MBNL2: variants seen among roughly 807,000 people sequenced by gnomAD.
MBNL2 encodes muscleblind like splicing regulator 2.
Under a neutral mutation model 41.9 loss-of-function variants are expected in MBNL2, and 17 were observed. The ratio of observed to expected loss-of-function variants is 0.41; its 90% CI spans 0.28 to 0.61. The LOEUF (loss-of-function observed/expected upper bound fraction) is 0.61. Ranked by LOEUF, MBNL2 falls within the 20% of genes least tolerant of loss-of-function variation. The probability of loss-of-function intolerance (pLI) is 0.35; values close to 1 mark genes in which losing one functional copy is unlikely to be tolerated. For missense variants in MBNL2, 336 were observed against 505.6 expected (o/e 0.66, Z 3.22); for synonymous variants, 195 against 182.9 (o/e 1.07, Z -0.53).
At chr13:97,250,877 A>G (rs539972072) in intron 1 of MBNL2, among the ~76,000 whole-genome samples, 97 of 152,118 alleles carry the variant, frequency 6.4e-4, no homozygotes, top group Non-Finnish European at 1.2e-3. Context: ...TAGCCATGGT[A>G]TATACAGCAC....
chr13:97,315,961 C>T (rs1383276118), intron 2 of MBNL2, among the ~76,000 whole-genome samples: 3 of 152,154 alleles, frequency 2.0e-5, no homozygotes, highest in Admixed American at 1.3e-4. Flanking sequence ...ATGGCCATAA[C>T]CAAGGGTTTG....
chr13:97,158,338 A>G, the MBNL2 span, among the ~76,000 whole-genome samples: 5 of 151,410 alleles, frequency 3.3e-5, no homozygotes, highest in South Asian at 1.0e-3. Context: ...GATCCTTTCA[A>G]AAAACCAGCT....
Position 97,327,447 on chromosome 13 carries a change from A to AGCAACTCCT in MBNL2, c.175-6826_175-6818dup, listed in dbSNP as rs1326238248. On this transcript the variant is annotated intron_variant, in intron 2 of 8. Transcript: ENST00000679496. ...AGATAACAATTTACGTTTCTTCCTGAGCAACTCCTGCTCTAACAACTGTCA... is the reference window on the plus strand; with the variant it reads ...AGATAACAATTTACGTTTCTTCCTGAGCAACTCCTGCAACTCCTGCTCTAACAACTGTCA... Among the ~76,000 whole-genome samples the AGCAACTCCT allele has an allele frequency of 4.0e-5, 6 of 151,520 alleles. No homozygotes were observed. The Admixed American group carries it at 4.0e-4, about 10-fold the overall frequency.
the MBNL2 span, among the ~76,000 whole-genome samples, chr13:97,166,074 G>C: frequency 6.6e-6 from 1 of 152,334 alleles, no homozygotes; most frequent in African/African-American, 2.4e-5. Flanking sequence ...CAGTTGCACT[G>C]TTTGTTAAAG....
chr13:97,152,458 A>G, the MBNL2 span, among the ~76,000 whole-genome samples: 1 of 152,192 alleles, frequency 6.6e-6, no homozygotes, highest in South Asian at 2.1e-4. Context: ...GTGCGAACAC[A>G]ATGGATAAAA....
intron 1 of MBNL2, among the ~76,000 whole-genome samples, chr13:97,263,888 G>A (rs527870314): frequency 2.0e-5 from 3 of 152,174 alleles, no homozygotes; most frequent in Middle Eastern, 3.4e-3. Flanking sequence ...AAAGTGCTCG[G>A]ATTACAGGTG....
chr13:97,244,983 C>T (rs569269864), intron 1 of MBNL2, among the ~76,000 whole-genome samples: 3 of 151,780 alleles, frequency 2.0e-5, no homozygotes, highest in Non-Finnish European at 4.4e-5. Context: ...CTAATAATGA[C>T]CATTAAGAAG....
intron 2 of MBNL2, among the ~76,000 whole-genome samples, chr13:97,329,980 T>C (rs60635002): frequency 0.33 from 49,654 of 152,040 alleles, 10,415 homozygotes; most frequent in African/African-American, 0.6. Context: ...CTTCTCAGCA[T>C]TCTTCTCTAG....
At chr13:97,177,295 C>T in the MBNL2 span, among the ~76,000 whole-genome samples, 5 of 152,208 alleles carry the variant, frequency 3.3e-5, no homozygotes, top group South Asian at 2.1e-4. Flanking sequence ...GCTGAGATCA[C>T]GCCACTGCAC....
chr13:97,247,682 C>T (rs1277742023), intron 1 of MBNL2, among the ~76,000 whole-genome samples: 1 of 152,178 alleles, frequency 6.6e-6, no homozygotes, highest in East Asian at 1.9e-4. Flanking sequence ...GTTCATTAAA[C>T]AGCTAAAAGA....
At chr13:97,175,517 A>G in the MBNL2 span, among the ~76,000 whole-genome samples, 1 of 152,178 alleles carries the variant, frequency 6.6e-6, no homozygotes, top group Admixed American at 6.5e-5. Flanking sequence ...TGCCCCTGGA[A>G]TGAGATGGTG....
chr13:97,380,447 T>C (rs1364834210), intron 8 of MBNL2, among the ~76,000 whole-genome samples: 1 of 151,914 alleles, frequency 6.6e-6, no homozygotes, highest in Non-Finnish European at 1.5e-5. Context: ...TGAGCCAAGA[T>C]TGCGCCTTTG....
At chr13:97,218,430 C>CAAA (rs746110575), upstream of MBNL2, among the ~76,000 whole-genome samples, 5 of 69,050 alleles carry the variant, frequency 7.2e-5, no homozygotes, top group African/African-American at 2.0e-4. Flanking sequence ...AAAAACAAAA[C>CAAA]AAAACAAAAC....
chr13:97,350,610 A>G (rs1047107658), intron 5 of MBNL2, among the ~76,000 whole-genome samples: 15 of 152,086 alleles, frequency 9.9e-5, no homozygotes, highest in Admixed American at 9.8e-4. Context: ...CATTTCAACA[A>G]TGTTCAGAGC....
intron 2 of MBNL2, among the ~76,000 whole-genome samples, chr13:97,288,120 GT>G: frequency 6.6e-6 from 1 of 151,986 alleles, no homozygotes; most frequent in East Asian, 1.9e-4. Context: ...GGTGAGTCTT[GT>G]TCTTTTTCCA....
intron 8 of MBNL2, among the ~76,000 whole-genome samples, chr13:97,377,979 TGAAA>T (rs2065109320): frequency 1.3e-5 from 2 of 152,326 alleles, no homozygotes; most frequent in East Asian, 3.9e-4. Flanking sequence ...GCTTGGAGCT[TGAAA>T]GACAGATGTT....
At chr13:97,271,612 T>C (rs2051044482) in intron 1 of MBNL2, among the ~76,000 whole-genome samples, 1 of 152,136 alleles carries the variant, frequency 6.6e-6, no homozygotes, top group Non-Finnish European at 1.5e-5. Flanking sequence ...CTCTCGTATG[T>C]GATGTTCCCC....
At chr13:97,240,990 A>C (rs2044154651) in intron 1 of MBNL2, among the ~76,000 whole-genome samples, 2 of 152,186 alleles carry the variant, frequency 1.3e-5, no homozygotes, top group South Asian at 4.1e-4. Flanking sequence ...TTGGAAATGA[A>C]TGACTGACTG....
At chr13:97,232,438 G>A (rs1480786168) in intron 1 of MBNL2, among the ~76,000 whole-genome samples, 5 of 152,158 alleles carry the variant, frequency 3.3e-5, no homozygotes, top group Admixed American at 6.5e-5. Flanking sequence ...TTACTATATG[G>A]AAAGTCCTCC....
Sources: gnomAD v4.1 joint callset for allele counts (sites outside exome capture counted in the v4.1 genomes callset) on GRCh38, gnomAD v4.1.1 for gene constraint, MANE v1.5 for transcripts, NCBI Gene and HGNC (gene_info 2026-07-23, HGNC 2026-07-21) for gene names.